Variants in KLHDC10 observed in about 807,000 individuals in gnomAD.
KLHDC10 encodes the protein kelch domain-containing protein 10.
Under a neutral mutation model 56.1 loss-of-function variants are expected in KLHDC10, and 24 were observed. The observed-to-expected ratio is 0.43, with a 90% confidence interval of 0.31 to 0.60. KLHDC10 has a LOEUF of 0.60. Ranked by LOEUF, KLHDC10 falls within the 20% of genes least tolerant of loss-of-function variation. The pLI, the probability that KLHDC10 is intolerant of heterozygous loss-of-function variation, is 0.11. For missense variants in KLHDC10, 349 were observed against 567.0 expected (o/e 0.62, Z 3.91); for synonymous variants, 188 against 207.1 (o/e 0.91, Z 0.79).
intron 2 of KLHDC10, among the ~76,000 whole-genome samples, chr7:130,108,423 C>T (rs2116888945): frequency 6.6e-6 from 1 of 151,834 alleles, no homozygotes; most frequent in Admixed American, 6.6e-5. Context: ...TGTATCCTGG[C>T]CGGGCACGGT....
At chr7:130,101,969 TAAA>T (rs10579051) in intron 2 of KLHDC10, among the ~76,000 whole-genome samples, 11 of 73,726 alleles carry the variant, frequency 1.5e-4, no homozygotes, top group South Asian at 1.3e-3. Flanking sequence ...GACTCCCTCT[TAAA>T]AAAAAAAAAA....
rs1317261876 is a variant in KLHDC10 at position 130,131,780 on chromosome 7, G to A, written c.*1034G>A. On this transcript the variant is annotated 3_prime_UTR_variant, in exon 10 of 10. Transcript: ENST00000335420. ...GCTATCATCTTGGCCATTTCCTTTT[G>A]AGAACTTGTTTCTTTTCTAATCTCT... is the stretch of plus-strand genomic sequence containing the variant. The A allele has an allele frequency of 1.3e-5, 2 of 152,292 alleles. No individual in the cohort carries two copies. Among genetic ancestry groups the A allele is most frequent in the African/African-American group, 4.8e-5 (2 of 41,560 alleles). The allele number at this position is 152,292 out of a possible 1,614,324, so 9.4% of individuals were successfully genotyped here.
At position 130,116,363 on chromosome 7, in the gene KLHDC10, G is replaced by A; in HGVS notation, c.254-82G>A. ...TAAATCCTTCCTGGTCCCCTTTTAT[G>A]GCTAAAATGGTTGTTACCTAATTTT... On this transcript the variant is annotated intron_variant, in intron 2 of 9. Coordinates refer to ENST00000335420, the MANE Select transcript of KLHDC10 (RefSeq NM_014997.4). The surrounding 1 kb of genome is among the most constrained non-coding windows in gnomAD (Gnocchi z 4.8). 1 of 1,001,928 alleles carries A rather than the reference G, an allele frequency of 1.0e-6. No individual in the cohort carries two copies. Among genetic ancestry groups the A allele is most frequent in the Middle Eastern group, 2.4e-4 (1 of 4,154 alleles). 62.1% of individuals were successfully genotyped at this position (1,001,928 alleles called of 1,614,324 possible).
rs570029860 is a variant in KLHDC10, at chr7:130,072,111, A to G, written c.166+1302A>G. On this transcript the variant is annotated intron_variant, in intron 1 of 9. Transcript: ENST00000335420. ...TACGATCTTTAACATGAAAAAGAAAAAAGGAGCAATCTTTTTTCTTACTCC... is the reference window on the plus strand; with the variant it reads ...TACGATCTTTAACATGAAAAAGAAAGAAGGAGCAATCTTTTTTCTTACTCC... 8.4e-4 allele frequency among the ~76,000 whole-genome samples: 128 copies of G among 152,304 alleles called. 1 individual carries two copies. Among genetic ancestry groups the G allele is most frequent in the African/African-American group, 2.8e-3 (118 of 41,572 alleles).
intron 7 of KLHDC10, among the ~76,000 whole-genome samples, chr7:130,126,334 C>A (rs547883059): frequency 5.3e-5 from 8 of 152,160 alleles, no homozygotes; most frequent in African/African-American, 1.9e-4. Context: ...AAAGAAAAAT[C>A]TGTTGAACTG....
Position 130,120,849 on chromosome 7 carries a change from G to A in KLHDC10, c.576G>A (p.Lys192=), listed in dbSNP as rs1243378955. 6.2e-7 allele frequency: 1 copy of A among 1,614,192 alleles called. No homozygotes were observed. The highest frequency in any genetic ancestry group is 8.5e-7 in the Non-Finnish European group (1 of 1,180,024). ...NDVHVCNVKY[K]RWALLSCRGK... The stretch of plus-strand genomic sequence containing the variant: ...TCCATGTGTGTAATGTGAAGTATAA[G>A]AGATGGGCTTTGCTCAGCTGTCGGG... Residue 192 remains lysine, a synonymous_variant, in exon 4 of 10, where the codon AAG becomes AAA. Coordinates refer to ENST00000335420, the MANE Select transcript of KLHDC10 (RefSeq NM_014997.4). The surrounding 1 kb of genome is among the most constrained non-coding windows in gnomAD (Gnocchi z 5.1).
At chr7:130,121,007 A>G in intron 4 of KLHDC10, 104 bp downstream of exon 4, 2 of 1,177,286 alleles carry the variant, frequency 1.7e-6, no homozygotes, top group East Asian at 5.1e-5. Context: ...AATGGAGAAG[A>G]GTTCTTTGTG....
chr7:130,122,005 T>C, intron 4 of KLHDC10, 49 bp from the exon 5 acceptor site: 9 of 1,549,230 alleles, frequency 5.8e-6, no homozygotes, highest in Non-Finnish European at 7.9e-6. Flanking sequence ...TTACATTCTT[T>C]AATCAAGTGT....
chr7:130,111,859 G>T (rs1796106137), intron 2 of KLHDC10, among the ~76,000 whole-genome samples: 1 of 152,098 alleles, frequency 6.6e-6, no homozygotes, highest in East Asian at 1.9e-4. Context: ...AGTAAAATAA[G>T]GGAAATGCAG....
At chr7:130,088,119 T>A (rs1482878418) in intron 1 of KLHDC10, among the ~76,000 whole-genome samples, 1 of 152,206 alleles carries the variant, frequency 6.6e-6, no homozygotes, top group Non-Finnish European at 1.5e-5. Flanking sequence ...AAAAATTTGC[T>A]AATTAGTGAC....
chr7:130,094,664 T>C (rs1795824792), intron 1 of KLHDC10, among the ~76,000 whole-genome samples: 1 of 152,198 alleles, frequency 6.6e-6, no homozygotes, highest in African/African-American at 2.4e-5. Flanking sequence ...TACATTGTAT[T>C]TTTCATTTGC....
At chr7:130,072,347 G>A (rs1795427805) in intron 1 of KLHDC10, among the ~76,000 whole-genome samples, 1 of 152,174 alleles carries the variant, frequency 6.6e-6, no homozygotes, top group South Asian at 2.1e-4. Context: ...GGCAGTGGAA[G>A]CCATGATTTC....
rs565050640 is a variant in KLHDC10, at chr7:130,091,831, T to A, written c.167-5090T>A. On this transcript the variant is annotated intron_variant, in intron 1 of 9. Coordinates refer to ENST00000335420, the MANE Select transcript of KLHDC10 (RefSeq NM_014997.4). ...GTTTGTTATTCTTGCATTAATTTTT[T>A]AAAAAAACAATCCAATTATATATCT... is the stretch of plus-strand genomic sequence containing the variant. Among the ~76,000 whole-genome samples the A allele has an allele frequency of 5.7e-3, 867 of 152,282 alleles. 13 individuals carry two copies. Among genetic ancestry groups the A allele is most frequent in the African/African-American group, 0.02 (835 of 41,558 alleles).
At chr7:130,093,380 T>C (rs549006476) in intron 1 of KLHDC10, among the ~76,000 whole-genome samples, 29 of 152,110 alleles carry the variant, frequency 1.9e-4, no homozygotes, top group Non-Finnish European at 3.8e-4. Flanking sequence ...CATGACACCA[T>C]GCCCAGCTAA....
chr7:130,108,126 C>G (rs889219401), intron 2 of KLHDC10, among the ~76,000 whole-genome samples: 1 of 149,564 alleles, frequency 6.7e-6, no homozygotes, highest in Admixed American at 6.7e-5. Context: ...CTACTCCAGA[C>G]GCTGAGGTGG....
chr7:130,077,089 T>C lies in KLHDC10; in HGVS notation c.166+6280T>C, dbSNP rs564871129. 1.1e-4 allele frequency among the ~76,000 whole-genome samples: 17 copies of C among 152,220 alleles called. No individual in the cohort carries two copies. The East Asian group carries it at 2.9e-3, about 26-fold the overall frequency. Reference sequence around the variant, plus strand: ...AGTATATGTGGCCAGGCATGGGGGCTCACGCCTTTAATCCCAACACTTTGG... The same window carrying C: ...AGTATATGTGGCCAGGCATGGGGGCCCACGCCTTTAATCCCAACACTTTGG... On this transcript the variant is annotated intron_variant, in intron 1 of 9. Transcript: ENST00000335420.
chr7:130,125,308 G>A (rs1400463479), intron 6 of KLHDC10, among the ~76,000 whole-genome samples: 1 of 152,106 alleles, frequency 6.6e-6, no homozygotes, highest in African/African-American at 2.4e-5. Context: ...TTGGGAGGCC[G>A]AGGCGGGCGG....
At chr7:130,072,747 AATTTATTT>A (rs77300024) in intron 1 of KLHDC10, among the ~76,000 whole-genome samples, 6 of 148,510 alleles carry the variant, frequency 4.0e-5, no homozygotes, top group Admixed American at 2.0e-4. Context: ...TTTTATTTTA[AATTTATTT>A]ATTTATTTAT....
At chr7:130,094,171 C>T (rs944772316) in intron 1 of KLHDC10, among the ~76,000 whole-genome samples, 2 of 152,124 alleles carry the variant, frequency 1.3e-5, no homozygotes, top group Non-Finnish European at 2.9e-5. Context: ...AGTGATCTGC[C>T]CGCCTTGGCC....
Sources: allele counts gnomAD v4.1 joint callset (sites outside exome capture counted in the v4.1 genomes callset), GRCh38; gene constraint gnomAD v4.1.1; non-coding constraint Gnocchi (gnomAD v3.1); transcripts MANE v1.5; gene names NCBI Gene and HGNC (gene_info 2026-07-23, HGNC 2026-07-21).